Variants in PTPRD observed in about 807,000 individuals in gnomAD.
PTPRD encodes protein tyrosine phosphatase receptor type D, also known as receptor-type tyrosine-protein phosphatase delta.
In PTPRD, 34 loss-of-function variants were observed where a neutral mutation model predicts 214.5. The observed-to-expected ratio is 0.16, with a 90% CI of 0.12 to 0.21. The LOEUF (loss-of-function observed/expected upper bound fraction) is 0.21. PTPRD is among the 10% of genes least tolerant of loss of function. The pLI is 1.00. For missense variants in PTPRD, 2,545 were observed against 2,398.7 expected, an observed-to-expected ratio of 1.06 and a Z score of -1.27; for synonymous variants, 1,128 against 845.7, an observed-to-expected ratio of 1.33 and a Z score of -5.79.
chr9:8,977,666 T>TG (rs1491110677), intron 11 of PTPRD, among the ~76,000 whole-genome samples: 1 of 17,716 alleles, frequency 5.6e-5, no homozygotes, highest in African/African-American at 2.7e-4. Context: ...ACAAGGAGAA[T>TG]TTTTTTTTTT....
intron 11 of PTPRD, among the ~76,000 whole-genome samples, chr9:8,848,538 T>C (rs2097753589): frequency 6.8e-6 from 1 of 146,258 alleles, no homozygotes; most frequent in African/African-American, 2.5e-5. Context: ...AGAGACAGGG[T>C]CTTGCTATGT....
chr9:9,574,619 G>C (rs998681779), intron 8 of PTPRD, 113 bp downstream of exon 8: 1 of 151,676 alleles, frequency 6.6e-6, no homozygotes, highest in Non-Finnish European at 1.5e-5. Flanking sequence ...CAACATTTAT[G>C]GTTAAATATC....
In PTPRD at chr9:9,098,593, T is replaced by C. The variant is rs79978737; in HGVS notation, c.-142-79858A>G. ...TTATTTACATTTATTATTATTACAA[T>C]TTGAGTGTCTGTAATATAATCTGCA... On this transcript the variant is annotated intron_variant, in intron 10 of 45. Coordinates refer to ENST00000381196, the MANE Select transcript of PTPRD (RefSeq NM_002839.4). 3.0e-3 allele frequency among the ~76,000 whole-genome samples: 459 copies of C among 152,288 alleles called. 24 individuals carry two copies. In the East Asian group the frequency reaches 0.077, roughly 26 times the overall value.
intron 10 of PTPRD, among the ~76,000 whole-genome samples, chr9:9,058,442 G>GTTTTTATTTT (rs2099700392): frequency 1.4e-5 from 1 of 69,900 alleles, no homozygotes; most frequent in Non-Finnish European, 2.6e-5. Flanking sequence ...TATTATGAGG[G>GTTTTTATTTT]TTTTTTTTTT....
intron 2 of PTPRD, among the ~76,000 whole-genome samples, chr9:10,431,222 G>T (rs1373689181): frequency 6.6e-6 from 1 of 151,928 alleles, no homozygotes; most frequent in Non-Finnish European, 1.5e-5. Flanking sequence ...TTTCTTTCCA[G>T]TTTAGCCATA....
Position 9,270,664 on chromosome 9 carries a change from G to T in PTPRD, c.-202-87301C>A, listed in dbSNP as rs549602887. Among the ~76,000 whole-genome samples, 43 of 151,490 alleles carry T rather than the reference G, an allele frequency of 2.8e-4. 2 individuals carry two copies. In the South Asian group the frequency reaches 8.5e-3, roughly 30 times the overall value. ...ATAGAAGTTATTTAGGGGATCCCAT[G>T]ATCTTATTTATGTTATAGAAAGATT... On this transcript the variant is annotated intron_variant, in intron 9 of 45. Coordinates refer to ENST00000381196, the MANE Select transcript of PTPRD (RefSeq NM_002839.4).
intron 8 of PTPRD, among the ~76,000 whole-genome samples, chr9:9,475,915 G>T (rs150872440): frequency 6.6e-6 from 1 of 152,118 alleles, no homozygotes; most frequent in African/African-American, 2.4e-5. Context: ...TACCTCCGCA[G>T]TGGTAGTTTC....
intron 37 of PTPRD, among the ~76,000 whole-genome samples, chr9:8,384,417 C>T (rs554078752): frequency 6.6e-6 from 1 of 152,262 alleles, no homozygotes; most frequent in African/African-American, 2.4e-5. Flanking sequence ...GAAAAAAAAC[C>T]ACTAACAGTA....
intron 43 of PTPRD, among the ~76,000 whole-genome samples, chr9:8,333,758 C>T (rs1214774196): frequency 6.6e-6 from 1 of 151,526 alleles, no homozygotes; most frequent in East Asian, 1.9e-4. Context: ...CACGGACTGG[C>T]CAATTGGATA....
At chr9:9,554,670 A>C (rs1173720950) in intron 8 of PTPRD, among the ~76,000 whole-genome samples, 10 of 152,068 alleles carry the variant, frequency 6.6e-5, no homozygotes, top group Non-Finnish European at 1.5e-4. Flanking sequence ...ATTAGAATTC[A>C]ACTCCAGTGT....
chr9:10,230,937 G>A (rs1268543681), intron 3 of PTPRD, among the ~76,000 whole-genome samples: 1 of 151,888 alleles, frequency 6.6e-6, no homozygotes, highest in East Asian at 1.9e-4. Flanking sequence ...ACGTACATTG[G>A]TAGATTATTG....
intron 5 of PTPRD, among the ~76,000 whole-genome samples, chr9:9,901,479 T>C (rs1188680074): frequency 1.3e-5 from 2 of 152,008 alleles, no homozygotes; most frequent in East Asian, 3.8e-4. Flanking sequence ...ATTAACACAG[T>C]AATTTCTGAT....
chr9:10,315,755 T>A (rs905852234), intron 3 of PTPRD, among the ~76,000 whole-genome samples: 1 of 152,110 alleles, frequency 6.6e-6, no homozygotes, highest in East Asian at 2.0e-4. Context: ...CATGGAACTA[T>A]TGAGAAGAAT....
intron 10 of PTPRD, among the ~76,000 whole-genome samples, chr9:9,154,412 T>C (rs1202071430): frequency 8.0e-6 from 1 of 125,540 alleles, no homozygotes; most frequent in East Asian, 2.2e-4. Flanking sequence ...GTAGGCTCTC[T>C]TTCTGGCTTG....
chr9:9,266,757 A>T (rs750173795), intron 9 of PTPRD, among the ~76,000 whole-genome samples: 4 of 151,270 alleles, frequency 2.6e-5, no homozygotes, highest in Non-Finnish European at 4.4e-5. Flanking sequence ...ATTTTGAGAC[A>T]AATGAAAATG....
At chr9:8,682,332 G>C (rs1467647275) in intron 12 of PTPRD, among the ~76,000 whole-genome samples, 1 of 151,990 alleles carries the variant, frequency 6.6e-6, no homozygotes, top group Non-Finnish European at 1.5e-5. Context: ...ACTAACAACA[G>C]GAGTTCCCAG....
chr9:8,435,333 AC>A (rs953529145), intron 35 of PTPRD, among the ~76,000 whole-genome samples: 7 of 152,118 alleles, frequency 4.6e-5, no homozygotes, highest in African/African-American at 2.4e-5. Flanking sequence ...CTTAGAGGTT[AC>A]TACAGAATGT....
At chr9:8,506,274 G>C (rs911636247) in intron 22 of PTPRD, among the ~76,000 whole-genome samples, 7 of 151,984 alleles carry the variant, frequency 4.6e-5, no homozygotes, top group Non-Finnish European at 7.4e-5. Context: ...AAAATGCTAA[G>C]AGGCATAATA....
chr9:9,916,789 C>G (rs1334890590), intron 5 of PTPRD, among the ~76,000 whole-genome samples: 3 of 151,934 alleles, frequency 2.0e-5, no homozygotes, highest in Non-Finnish European at 2.9e-5. Flanking sequence ...TTCTGCACAT[C>G]AGCACATGGA....
Sources: gnomAD v4.1 joint callset for allele counts (sites outside exome capture counted in the v4.1 genomes callset) on GRCh38, gnomAD v4.1.1 for gene constraint, MANE v1.5 for transcripts, NCBI Gene and HGNC (gene_info 2026-07-23, HGNC 2026-07-21) for gene names.